SH3PXD2A: variants seen among roughly 807,000 people sequenced by gnomAD.
SH3PXD2A encodes SH3 and PX domains 2A.
A neutral mutation model predicts 115.2 loss-of-function variants in SH3PXD2A; 32 were observed. The ratio of observed to expected loss-of-function variants is 0.28; its 90% CI spans 0.21 to 0.37. SH3PXD2A has a LOEUF of 0.37. SH3PXD2A is among the 10% of genes least tolerant of loss of function. The pLI is 1.00. For synonymous variants in SH3PXD2A, 610 were observed against 629.1 expected (o/e 0.97, Z 0.45); for missense variants, 1,328 against 1,498.7 (o/e 0.89, Z 1.88).
At chr10:103,797,285 AAGAAGG>A (rs2039100981) in intron 2 of SH3PXD2A, among the ~76,000 whole-genome samples, 1 of 152,104 alleles carries the variant, frequency 6.6e-6, no homozygotes, top group Non-Finnish European at 1.5e-5. Flanking sequence ...GCTGTGAGAG[AAGAAGG>A]TGGGTGGTGG....
rs1372910653 is a variant in SH3PXD2A, at chr10:103,756,568, A to AT, written c.229+10525dup. Among the ~76,000 whole-genome samples the AT allele has an allele frequency of 6.6e-6, 1 of 151,960 alleles. No homozygotes were observed. Among genetic ancestry groups the AT allele is most frequent in the Non-Finnish European group, 1.5e-5 (1 of 67,972 alleles). Reference sequence around the variant, plus strand: ...CTGCCCACCACAAAGCACCTTTCATATGCTCCAAAGGCTTCGGCCACCTCA... The same window carrying AT: ...CTGCCCACCACAAAGCACCTTTCATATTGCTCCAAAGGCTTCGGCCACCTCA... On this transcript the variant is annotated intron_variant, in intron 3 of 14. Transcript: ENST00000369774. The surrounding 1 kb of genome is among the most constrained non-coding windows in gnomAD (Gnocchi z 4.4).
At chr10:103,748,702 G>A (rs2038537593) in intron 3 of SH3PXD2A, among the ~76,000 whole-genome samples, 1 of 152,192 alleles carries the variant, frequency 6.6e-6, no homozygotes, top group Non-Finnish European at 1.5e-5. Context: ...AGAGACTGAA[G>A]AGACAGGCAC....
At chr10:103,660,687 C>G (rs978785862) in intron 8 of SH3PXD2A, among the ~76,000 whole-genome samples, 3 of 152,234 alleles carry the variant, frequency 2.0e-5, no homozygotes, top group African/African-American at 7.2e-5. Context: ...CACGGGCCTC[C>G]GAGGGCACGG....
chr10:103,606,402 T>A, intron 13 of SH3PXD2A, among the ~76,000 whole-genome samples: 1 of 80,414 alleles, frequency 1.2e-5, no homozygotes, highest in Non-Finnish European at 2.4e-5. Context: ...TTGGTAGAGA[T>A]GGGCTCTCTC....
Position 103,613,081 on chromosome 10 carries a change from T to C in SH3PXD2A, c.1030A>G (p.Ile344Val), listed in dbSNP as rs1254969661. 1.9e-6 allele frequency: 3 copies of C among 1,614,126 alleles called. No homozygotes were observed. Among genetic ancestry groups the C allele is most frequent in the Non-Finnish European group, 2.5e-6 (3 of 1,180,050 alleles). ...TTCAGCAGGTTGCTGATCTCCATGATGTTCCCAATGATCTCCACTGGGCCG... is the reference window on the plus strand; with the variant it reads ...TTCAGCAGGTTGCTGATCTCCATGACGTTCCCAATGATCTCCACTGGGCCG... ...LAGPVEIIGNIMEISNLLNKK... is the reference protein window; with the variant it reads ...LAGPVEIIGNVMEISNLLNKK... The change falls in exon 12 of 15, where the codon ATC becomes GTC. Residue 344 changes from isoleucine to valine, a missense_variant. By Grantham distance (29) the Ile-to-Val change is conservative (BLOSUM62 3). Transcript: ENST00000369774.
At position 103,834,621 on chromosome 10, in the gene SH3PXD2A, T is replaced by C. The variant is rs114867933; in HGVS notation, c.72+20574A>G. 3.1e-3 allele frequency among the ~76,000 whole-genome samples: 467 copies of C among 152,336 alleles called. 1 individual carries two copies. Among genetic ancestry groups the C allele is most frequent in the African/African-American group, 0.011 (445 of 41,576 alleles). On this transcript the variant is annotated intron_variant, in intron 1 of 14. Transcript: ENST00000369774. ...CCAAAAAGGGAGGGAGCCAACTGCT[T>C]CGGCATGGGCCACCACTCAGGGAGC...
intron 7 of SH3PXD2A, among the ~76,000 whole-genome samples, chr10:103,664,923 T>G (rs1651286666): frequency 6.6e-6 from 1 of 152,168 alleles, no homozygotes; most frequent in Non-Finnish European, 1.5e-5. Context: ...TCTGCCCGCC[T>G]TGGCCTCCCA....
intron 1 of SH3PXD2A, among the ~76,000 whole-genome samples, chr10:103,808,749 G>A (rs2039233858): frequency 6.6e-6 from 1 of 152,176 alleles, no homozygotes; most frequent in African/African-American, 2.4e-5. Flanking sequence ...GACACAGGCT[G>A]TGTTGGTCTC....
At chr10:103,745,677 C>T (rs1396251833) in intron 3 of SH3PXD2A, among the ~76,000 whole-genome samples, 1 of 152,204 alleles carries the variant, frequency 6.6e-6, no homozygotes, top group East Asian at 1.9e-4. Context: ...GTACCAGAAG[C>T]ATTTCCCAGG....
At chr10:103,803,529 A>G (rs1359691908) in intron 1 of SH3PXD2A, among the ~76,000 whole-genome samples, 1 of 152,132 alleles carries the variant, frequency 6.6e-6, no homozygotes, top group Non-Finnish European at 1.5e-5. Flanking sequence ...CCCATATTGT[A>G]CAAGAAGAAG....
chr10:103,610,461 C>T (rs1188774732), intron 13 of SH3PXD2A, among the ~76,000 whole-genome samples: 1 of 152,194 alleles, frequency 6.6e-6, no homozygotes, highest in Non-Finnish European at 1.5e-5. Flanking sequence ...GTGTAAAACT[C>T]AGGAGGAAAA....
chr10:103,606,133 C>T (rs1052764099), intron 13 of SH3PXD2A, among the ~76,000 whole-genome samples: 1 of 151,916 alleles, frequency 6.6e-6, no homozygotes, highest in Non-Finnish European at 1.5e-5. Flanking sequence ...TCAGGACTCA[C>T]GGAAGACTTG....
At chr10:103,731,829 G>A (rs2038323204) in intron 4 of SH3PXD2A, among the ~76,000 whole-genome samples, 1 of 152,224 alleles carries the variant, frequency 6.6e-6, no homozygotes, top group Non-Finnish European at 1.5e-5. Context: ...AGTCTGGGAA[G>A]TGGGAATAAA....
chr10:103,763,683 C>G (rs2038724285), intron 3 of SH3PXD2A, among the ~76,000 whole-genome samples: 1 of 152,176 alleles, frequency 6.6e-6, no homozygotes, highest in Non-Finnish European at 1.5e-5. Context: ...GCGGCTCCTC[C>G]CCTCAGTGCT....
In SH3PXD2A at chr10:103,678,141, A is replaced by T. The variant is rs749740212; in HGVS notation, c.428-9489T>A. The T allele has an allele frequency of 3.8e-5, 49 of 1,289,154 alleles. No individual in the cohort carries two copies. In the South Asian group the frequency reaches 5.9e-4, roughly 16 times the overall value. 79.9% of individuals were successfully genotyped at this position (1,289,154 alleles called of 1,614,324 possible). The stretch of plus-strand genomic sequence containing the variant: ...ACAGGAAACAGGAGCCGGAGCAGGA[A>T]CGACCCGTTCATGTGTAATGTCTGG... On this transcript the variant is annotated intron_variant, in intron 6 of 14. Coordinates refer to ENST00000369774, the MANE Select transcript of SH3PXD2A (RefSeq NM_001394015.1).
intron 6 of SH3PXD2A, among the ~76,000 whole-genome samples, chr10:103,675,487 CCT>C (rs952492061): frequency 2.0e-4 from 31 of 151,876 alleles, no homozygotes; most frequent in African/African-American, 7.5e-4. Flanking sequence ...CTCCAGGTCC[CCT>C]CTCTCTGCTA....
intron 3 of SH3PXD2A, among the ~76,000 whole-genome samples, chr10:103,739,037 C>T (rs1291350876): frequency 6.6e-6 from 1 of 152,190 alleles, no homozygotes; most frequent in Non-Finnish European, 1.5e-5. Flanking sequence ...AGATGATCCG[C>T]CCACCTTGGC....
chr10:103,661,050 C>T lies in SH3PXD2A; in HGVS notation c.537G>A (p.Lys179=), dbSNP rs1359513609. 1 of 1,614,188 alleles carries T rather than the reference C, an allele frequency of 6.2e-7. No individual in the cohort carries two copies. ...GGAGGCTCAGCTCCGAGTTCTCCTG[C>T]TTCTTATAGTTGGACACCACCACGT... ...EQYVVVSNYK[K]QENSELSLQA... Residue 179 remains lysine (K), a synonymous_variant, in exon 8 of 15, where the codon AAG becomes AAA. Transcript: ENST00000369774.
intron 2 of SH3PXD2A, among the ~76,000 whole-genome samples, chr10:103,797,637 A>G (rs1452186469): frequency 6.7e-6 from 1 of 149,208 alleles, no homozygotes; most frequent in African/African-American, 2.5e-5. Context: ...AGGGCTTCAC[A>G]TGCAGGGCAG....
Sources: allele counts gnomAD v4.1 joint callset (sites outside exome capture counted in the v4.1 genomes callset), GRCh38; gene constraint gnomAD v4.1.1; non-coding constraint Gnocchi (gnomAD v3.1); transcripts MANE v1.5; gene names NCBI Gene and HGNC (gene_info 2026-07-23, HGNC 2026-07-21).